The following HPSE variants were observed in gnomAD, a reference collection of about 807,000 sequenced individuals.
HPSE encodes heparanase, also known as endo-glucoronidase.
A neutral mutation model predicts 65.1 loss-of-function variants in HPSE; 48 were observed. The ratio of observed to expected loss-of-function variants is 0.74; its 90% confidence interval spans 0.58 to 0.94. The LOEUF (loss-of-function observed/expected upper bound fraction) is 0.94. Ranked by LOEUF, HPSE falls within the 40% of genes least tolerant of loss-of-function variation. The pLI is 0.00. For synonymous variants in HPSE, 243 were observed against 260.0 expected (o/e 0.93, Z 0.63); for missense variants, 644 against 637.5 (o/e 1.01, Z -0.11).
chr4:83,308,977 T>G, intron 7 of HPSE, 26 bp from the exon 8 acceptor site: 1 of 1,585,530 alleles, frequency 6.3e-7, no homozygotes, highest in Non-Finnish European at 8.6e-7. Context: ...GTATCCATGG[T>G]AATTGCAAAA....
rs765270296 is a variant in HPSE, at chr4:83,319,431, C to G, written c.412G>C (p.Glu138Gln). Residue 138 changes from glutamate to glutamine, a missense_variant, in exon 3 of 12, where the codon GAG becomes CAG. Glu to Gln is a conservative substitution (Grantham distance 29). Coordinates refer to ENST00000311412, the MANE Select transcript of HPSE (RefSeq NM_001098540.3). ...KYGSIPPDVE[E>Q]KLRLEWPYQE... The stretch of plus-strand genomic sequence containing the variant: ...TAGGGCCATTCCAACCGTAACTTCT[C>G]CTCCACATCAGGAGGGATGGATCCA... 46 of 1,613,746 alleles carry G rather than the reference C, an allele frequency of 2.9e-5. No homozygotes were observed. In the Admixed American group the frequency reaches 7.7e-4, roughly 27 times the overall value.
chr4:83,328,435 C>T (rs1465377962), intron 1 of HPSE, among the ~76,000 whole-genome samples: 1 of 152,144 alleles, frequency 6.6e-6, no homozygotes, highest in Admixed American at 6.6e-5. Flanking sequence ...CCAGTATGAC[C>T]TCATCCTAAC....
Position 83,304,068 on chromosome 4 carries a change from C to T in HPSE, c.1207-1800G>A, listed in dbSNP as rs182584039. ...ATGTATATTAATACATGTATGTTAA[C>T]AGAAAATACCAGGGAACAAGTAATT... On this transcript the variant is annotated intron_variant, in intron 9 of 11. Coordinates refer to ENST00000311412, the MANE Select transcript of HPSE (RefSeq NM_001098540.3). Among the ~76,000 whole-genome samples the T allele has an allele frequency of 2.6e-5, 4 of 152,098 alleles. No homozygotes were observed. The East Asian group carries it at 7.7e-4, about 29-fold the overall frequency.
Position 83,334,497 on chromosome 4 carries a change from G to T in HPSE, c.227+59C>A. 4.7e-6 allele frequency: 7 copies of T among 1,483,804 alleles called. No individual in the cohort carries two copies. The South Asian group carries it at 7.7e-5, about 16-fold the overall frequency. 91.9% of individuals were successfully genotyped at this position (1,483,804 alleles called of 1,614,324 possible). The stretch of plus-strand genomic sequence containing the variant: ...GCAAAAGAAGGAGAGCGGCTGGCGG[G>T]GCAGACATAGGTGTCAGGAGGACAG... On this transcript the variant is annotated intron_variant, in intron 1 of 11. Coordinates refer to ENST00000311412, the MANE Select transcript of HPSE (RefSeq NM_001098540.3).
intron 11 of HPSE, among the ~76,000 whole-genome samples, chr4:83,298,726 G>T (rs935318321): frequency 1.3e-5 from 2 of 152,114 alleles, no homozygotes; most frequent in Admixed American, 6.6e-5. Flanking sequence ...TACTCAGAAG[G>T]CTGAGGAGGA....
chr4:83,312,017 C>T lies in HPSE; in HGVS notation c.673+1097G>A, dbSNP rs1038277377. On this transcript the variant is annotated intron_variant, in intron 4 of 11. Coordinates refer to ENST00000311412, the MANE Select transcript of HPSE (RefSeq NM_001098540.3). ...AGCTTGACCCACGTAGGATTCTATA[C>T]TGGCAAGTTCTAGACCGTTTGGGCA... Among the ~76,000 whole-genome samples the T allele has an allele frequency of 3.3e-5, 5 of 152,156 alleles. No individual in the cohort carries two copies. In the East Asian group the frequency reaches 9.6e-4, roughly 29 times the overall value.
intron 3 of HPSE, among the ~76,000 whole-genome samples, chr4:83,318,707 T>C (rs1736753334): frequency 8.9e-6 from 1 of 112,232 alleles, no homozygotes; most frequent in African/African-American, 4.3e-5. Flanking sequence ...TGAGATTCCA[T>C]CTCAAAAAAA....
chr4:83,329,774 T>C (rs746256033), intron 1 of HPSE, among the ~76,000 whole-genome samples: 1 of 152,160 alleles, frequency 6.6e-6, no homozygotes, highest in Non-Finnish European at 1.5e-5. Context: ...ACAGTTTATC[T>C]AGGTGACTTG....
rs1004426993 is a variant in HPSE at position 83,294,579 on chromosome 4, G to A, written c.*765C>T. On this transcript the variant is annotated 3_prime_UTR_variant, in exon 12 of 12. Transcript: ENST00000311412. ...TCAGGACCAGTTTGGGTAACATAGCGAGACCCCATCTCTACAAAAAATTTT... is the reference window on the plus strand; with the variant it reads ...TCAGGACCAGTTTGGGTAACATAGCAAGACCCCATCTCTACAAAAAATTTT... 1 of 152,242 alleles carries A rather than the reference G, an allele frequency of 6.6e-6. No individual in the cohort carries two copies. The highest frequency in any genetic ancestry group is 1.5e-5 in the Non-Finnish European group (1 of 68,062). The allele number at this position is 152,242 out of a possible 1,614,324, so 9.4% of individuals were successfully genotyped here.
At chr4:83,324,118 T>C (rs887314434) in intron 1 of HPSE, among the ~76,000 whole-genome samples, 66 of 132,738 alleles carry the variant, frequency 5.0e-4, no homozygotes, top group Middle Eastern at 3.8e-3. Flanking sequence ...TTCTTCTTTT[T>C]TTTTTTTTTT....
chr4:83,319,233 T>G (rs962938963), intron 3 of HPSE, 111 bp downstream of exon 3: 19 of 1,066,612 alleles, frequency 1.8e-5, no homozygotes, highest in Non-Finnish European at 2.6e-5. Context: ...AATGCTTCAG[T>G]ATTTTCAGCT....
intron 9 of HPSE, among the ~76,000 whole-genome samples, chr4:83,302,921 G>A (rs763944522): frequency 1.3e-5 from 2 of 152,168 alleles, no homozygotes; most frequent in Non-Finnish European, 2.9e-5. Flanking sequence ...GCTGCAGTGA[G>A]CCGTGATTGT....
At chr4:83,328,571 G>C (rs1326972091) in intron 1 of HPSE, among the ~76,000 whole-genome samples, 1 of 152,166 alleles carries the variant, frequency 6.6e-6, no homozygotes, top group African/African-American at 2.4e-5. Flanking sequence ...ATAAGATAAA[G>C]TGTTTATTAG....
rs1163210598 is a variant in HPSE at position 83,310,892 on chromosome 4, T to TG, written c.674-3dup. 1 of 1,605,222 alleles carries TG rather than the reference T, an allele frequency of 6.2e-7. No individual in the cohort carries two copies. The highest frequency in any genetic ancestry group is 8.5e-7 in the Non-Finnish European group (1 of 1,174,428). On this transcript the variant is annotated splice_region_variant and splice_polypyrimidine_tract_variant and intron_variant, in intron 4 of 11. Transcript: ENST00000311412. ...CCTTCTTAAGGAAACTGTTAGGTTC[T>TG]GAAAGACAGCAATTCTCAAAATATA...
intron 1 of HPSE, among the ~76,000 whole-genome samples, chr4:83,327,093 G>T (rs902021597): frequency 5.3e-5 from 8 of 152,144 alleles, no homozygotes; most frequent in African/African-American, 1.9e-4. Flanking sequence ...CATCTCTGCT[G>T]CAAGCTCCCT....
chr4:83,296,402 A>T (rs1380346216), intron 11 of HPSE, among the ~76,000 whole-genome samples: 1 of 152,180 alleles, frequency 6.6e-6, no homozygotes, highest in Non-Finnish European at 1.5e-5. Flanking sequence ...GGCCGAGCAC[A>T]GTGGTTCACA....
intron 1 of HPSE, among the ~76,000 whole-genome samples, chr4:83,329,970 T>A (rs1308722614): frequency 3.3e-5 from 5 of 152,144 alleles, no homozygotes. Flanking sequence ...GTAATGCACA[T>A]CAGGCTAGTC....
chr4:83,302,006 A>G (rs918089227), intron 10 of HPSE, 144 bp downstream of exon 10: 1 of 497,930 alleles, frequency 2.0e-6, no homozygotes, highest in Non-Finnish European at 3.6e-6. Context: ...ATAAAATAAA[A>G]TAAAATCGTT....
chr4:83,310,262 G>C (rs930130056), intron 5 of HPSE, among the ~76,000 whole-genome samples, 184 bp from the exon 6 acceptor site: 28 of 152,038 alleles, frequency 1.8e-4, no homozygotes, highest in Admixed American at 1.2e-3. Flanking sequence ...TTGATATTCT[G>C]AACCCGTCAA....
Sources: gnomAD v4.1 joint callset for allele counts (sites outside exome capture counted in the v4.1 genomes callset) on GRCh38, gnomAD v4.1.1 for gene constraint, MANE v1.5 for transcripts, NCBI Gene and HGNC (gene_info 2026-07-23, HGNC 2026-07-21) for gene names.